TRAPPC13: variants seen among roughly 807,000 people sequenced by gnomAD.
The protein encoded by TRAPPC13 is trafficking protein particle complex subunit 13, also known as REV7-interacting novel NHEJ regulator 1.
Under a neutral mutation model 54.0 loss-of-function variants are expected in TRAPPC13, and 39 were observed. The ratio of observed to expected loss-of-function variants is 0.72; its 90% confidence interval spans 0.56 to 0.94. TRAPPC13 has a LOEUF of 0.94. Ranked by LOEUF, TRAPPC13 falls within the 40% of genes least tolerant of loss-of-function variation. The probability of loss-of-function intolerance (pLI) is 0.00; values close to 1 mark genes in which losing one functional copy is unlikely to be tolerated. For missense variants in TRAPPC13, 386 were observed against 488.1 expected (o/e 0.79, Z 1.97); for synonymous variants, 148 against 167.7 (o/e 0.88, Z 0.91).
intron 1 of TRAPPC13, chr5:65,631,041 A>G (rs1392649568): frequency 6.6e-6 from 1 of 152,228 alleles, no homozygotes; most frequent in African/African-American, 2.4e-5. Context: ...GCTCAAAGGG[A>G]TTAAAACAGT....
At chr5:65,643,435 C>T (rs1043069993) in intron 4 of TRAPPC13, among the ~76,000 whole-genome samples, 6 of 151,834 alleles carry the variant, frequency 4.0e-5, no homozygotes, top group Admixed American at 6.6e-5. Flanking sequence ...TAACTTCATC[C>T]GTCTTATACT....
At chr5:65,629,446 C>T (rs967550520) in intron 1 of TRAPPC13, 1 of 1,396,804 alleles carries the variant, frequency 7.2e-7, no homozygotes. Flanking sequence ...ATATCTTATT[C>T]TTTGCAATAC....
At chr5:65,638,144 AG>A (rs1031361868) in intron 4 of TRAPPC13, among the ~76,000 whole-genome samples, 2 of 151,934 alleles carry the variant, frequency 1.3e-5, no homozygotes, top group Admixed American at 1.3e-4. Flanking sequence ...AAAGAAAAAA[AG>A]GTTTTTTTAT....
intron 1 of TRAPPC13, chr5:65,625,376 C>G (rs2150652804): frequency 2.3e-6 from 1 of 427,986 alleles, no homozygotes; most frequent in East Asian, 3.7e-5. Flanking sequence ...GCTGACGTCC[C>G]GCTCCTACCG....
chr5:65,635,216 T>C (rs1755703326), intron 1 of TRAPPC13, 85 bp from the exon 2 acceptor site: 1 of 1,130,002 alleles, frequency 8.8e-7, no homozygotes, highest in East Asian at 2.5e-5. Context: ...TAGTATAAAA[T>C]GGATGAATGT....
intron 9 of TRAPPC13, 38 bp downstream of exon 9, chr5:65,658,539 A>G (rs1195831046): frequency 1.4e-6 from 2 of 1,473,572 alleles, no homozygotes; most frequent in South Asian, 2.8e-5. Flanking sequence ...CCTTGTTTTG[A>G]AAGATACATG....
intron 6 of TRAPPC13, among the ~76,000 whole-genome samples, 196 bp downstream of exon 6, chr5:65,651,078 C>T (rs763431756): frequency 6.6e-6 from 1 of 151,988 alleles, no homozygotes; most frequent in African/African-American, 2.4e-5. Flanking sequence ...TTATCATTGC[C>T]AACATGTTTT....
At chr5:65,648,936 C>T (rs530212769) in intron 5 of TRAPPC13, among the ~76,000 whole-genome samples, 11 of 151,980 alleles carry the variant, frequency 7.2e-5, no homozygotes, top group African/African-American at 2.2e-4. Flanking sequence ...GTTTTTGGGC[C>T]GGGTGTGGTG....
chr5:65,643,834 AAAG>A (rs1365336564), intron 4 of TRAPPC13, among the ~76,000 whole-genome samples: 3 of 88,256 alleles, frequency 3.4e-5, no homozygotes, highest in African/African-American at 7.5e-5. Flanking sequence ...AAAAAAAAAG[AAAG>A]AAAAAAAAAA....
intron 4 of TRAPPC13, among the ~76,000 whole-genome samples, chr5:65,640,072 G>A (rs1755906411): frequency 6.6e-6 from 1 of 152,216 alleles, no homozygotes; most frequent in Non-Finnish European, 1.5e-5. Context: ...ACATATGTTT[G>A]TCATATATGG....
At chr5:65,630,411 TTTA>T (rs1459001064) in intron 1 of TRAPPC13, 5 of 1,403,036 alleles carry the variant, frequency 3.6e-6, no homozygotes, top group Non-Finnish European at 4.6e-6. Flanking sequence ...TAAAATAATT[TTTA>T]CAGGTTTTAA....
At chr5:65,661,060 AAG>A in intron 10 of TRAPPC13, 163 bp downstream of exon 10, 1 of 536,778 alleles carries the variant, frequency 1.9e-6, no homozygotes, top group Non-Finnish European at 3.3e-6. Flanking sequence ...AGGTAGGTCG[AAG>A]ACTGGTGTTG....
intron 6 of TRAPPC13, among the ~76,000 whole-genome samples, chr5:65,651,856 T>TGTTTG (rs1561773594): frequency 1.0e-3 from 110 of 107,330 alleles, no homozygotes; most frequent in African/African-American, 4.7e-3. Context: ...TTTTTTTTTT[T>TGTTTG]TTTTTTTTTT....
At chr5:65,629,678 C>G in intron 1 of TRAPPC13, 1 of 1,536,052 alleles carries the variant, frequency 6.5e-7, no homozygotes, top group Non-Finnish European at 8.7e-7. Context: ...TCAAGACTTT[C>G]CTACTCGTCC....
In TRAPPC13 at chr5:65,625,191, T is replaced by G. The variant is rs926656697; in HGVS notation, c.46+85T>G. 106 of 1,148,994 alleles carry G rather than the reference T, an allele frequency of 9.2e-5. No homozygotes were observed. In the Admixed American group the frequency reaches 1.8e-3, roughly 20 times the overall value. 71.2% of individuals were successfully genotyped at this position (1,148,994 alleles called of 1,614,324 possible). A position where few individuals can be genotyped will look rare whatever the true frequency, so the allele number is the denominator to read the frequency against. ...AGCCTTTGCCATGTAGGCCTCATCC[T>G]TCTTAAACACTCAGTGCTCGCCCTC... On this transcript the variant is annotated intron_variant, in intron 1 of 12. Transcript: ENST00000399438.
chr5:65,647,112 G>C lies in TRAPPC13; in HGVS notation c.358G>C (p.Ala120Pro). 6.4e-7 allele frequency: 1 copy of C among 1,567,070 alleles called. No individual in the cohort carries two copies. Among genetic ancestry groups the C allele is most frequent in the South Asian group, 1.2e-5 (1 of 85,396 alleles). Reference protein sequence around the residue: ...LNLSASNAAVAELKPDCCIDD... With the variant: ...LNLSASNAAVPELKPDCCIDD... ...TCTTTCAGCCTCCAATGCTGCAGTG[G>C]CTGAACTTAAACCGGATTGTTGTAT... The change falls in exon 5 of 13, where the codon GCT (alanine) becomes CCT (proline). Residue 120 changes from alanine to proline, a missense_variant. Physicochemically the swap from Ala to Pro is conservative, Grantham distance 27 (BLOSUM62 -1). Coordinates refer to ENST00000399438, the MANE Select transcript of TRAPPC13 (RefSeq NM_024941.4).
At chr5:65,639,685 T>G (rs1204831290) in intron 4 of TRAPPC13, among the ~76,000 whole-genome samples, 2 of 152,186 alleles carry the variant, frequency 1.3e-5, no homozygotes, top group African/African-American at 4.8e-5. Flanking sequence ...CAGCAGGCAG[T>G]TGGCTTTTGA....
At chr5:65,652,339 CTTTTTTTTTT>C (rs11354403) in intron 6 of TRAPPC13, among the ~76,000 whole-genome samples, 152 bp from the exon 7 acceptor site, 1 of 116,234 alleles carries the variant, frequency 8.6e-6, no homozygotes, top group African/African-American at 3.1e-5. Flanking sequence ...TTTTTCTTTT[CTTTTTTTTTT>C]TTTTTTTGGA....
intron 1 of TRAPPC13, chr5:65,625,896 G>C (rs1439242177): frequency 2.6e-5 from 4 of 152,184 alleles, no homozygotes; most frequent in African/African-American, 9.7e-5. Flanking sequence ...AAACATTCGG[G>C]TTCAATTGAA....
Sources: gnomAD v4.1 joint callset for allele counts (sites outside exome capture counted in the v4.1 genomes callset) on GRCh38, gnomAD v4.1.1 for gene constraint, MANE v1.5 for transcripts, NCBI Gene and HGNC (gene_info 2026-07-23, HGNC 2026-07-21) for gene names.